The following ARHGAP28 variants were observed in gnomAD, a reference collection of about 807,000 sequenced individuals.
The protein encoded by ARHGAP28 is rho GTPase-activating protein 28.
Under a neutral mutation model 90.7 loss-of-function variants are expected in ARHGAP28, and 56 were observed. That is an observed-to-expected ratio of 0.62 (90% CI 0.50 to 0.77). The LOEUF is 0.77. Ranked by LOEUF, ARHGAP28 falls within the 30% of genes least tolerant of loss-of-function variation. The pLI is 0.00. For synonymous variants in ARHGAP28, 308 were observed against 323.3 expected (o/e 0.95, Z 0.51); for missense variants, 869 against 900.9 (o/e 0.96, Z 0.45).
intron 3 of ARHGAP28, among the ~76,000 whole-genome samples, chr18:6,848,934 T>C (rs904994343): frequency 2.6e-5 from 4 of 152,050 alleles, no homozygotes; most frequent in Non-Finnish European, 2.9e-5. Context: ...TTTCAAATCA[T>C]TGAAGGTCAT....
chr18:6,786,272 C>A (rs768174629), intron 1 of ARHGAP28, among the ~76,000 whole-genome samples: 17 of 151,846 alleles, frequency 1.1e-4, no homozygotes, highest in Non-Finnish European at 4.4e-5. Context: ...TTTATTTTTC[C>A]TTTTCTTTAG....
chr18:6,880,281 A>G (rs1295927719), intron 10 of ARHGAP28, among the ~76,000 whole-genome samples: 1 of 151,976 alleles, frequency 6.6e-6, no homozygotes, highest in African/African-American at 2.4e-5. Flanking sequence ...ATTCTTGAGA[A>G]TTTTCCCTCC....
chr18:6,742,762 T>G (rs113945223), intron 1 of ARHGAP28, among the ~76,000 whole-genome samples: 5 of 152,080 alleles, frequency 3.3e-5, no homozygotes, highest in Admixed American at 3.3e-4. Flanking sequence ...AAAGTCTCTA[T>G]AGAGACAGCA....
chr18:6,750,716 T>C (rs1285510246), intron 1 of ARHGAP28, among the ~76,000 whole-genome samples: 1 of 150,346 alleles, frequency 6.7e-6, no homozygotes, highest in African/African-American at 2.5e-5. Context: ...AAAGCCACAG[T>C]CCCATCGTGG....
At chr18:6,906,954 A>G (rs1438680573) in intron 16 of ARHGAP28, among the ~76,000 whole-genome samples, 1 of 152,222 alleles carries the variant, frequency 6.6e-6, no homozygotes, top group African/African-American at 2.4e-5. Context: ...AAACAATCCA[A>G]TTTGAAAGTG....
chr18:6,841,331 A>C (rs947900282), intron 3 of ARHGAP28, among the ~76,000 whole-genome samples: 2 of 150,200 alleles, frequency 1.3e-5, no homozygotes, highest in Admixed American at 6.7e-5. Flanking sequence ...TTAATTGAAT[A>C]ATTACCTAAG....
chr18:6,900,996 A>G (rs2057335437), intron 16 of ARHGAP28, among the ~76,000 whole-genome samples: 1 of 152,216 alleles, frequency 6.6e-6, no homozygotes, highest in African/African-American at 2.4e-5. Flanking sequence ...ACATTTGTCA[A>G]GTACTTAAAG....
At position 6,912,279 on chromosome 18, in the gene ARHGAP28, A is replaced by G; in HGVS notation, c.*125A>G. The G allele has an allele frequency of 2.0e-6, 1 of 503,150 alleles. No individual in the cohort carries two copies. The highest frequency in any genetic ancestry group is 2.0e-5 in the African/African-American group (1 of 51,132). 31.2% of individuals were successfully genotyped at this position (503,150 alleles called of 1,614,324 possible). On this transcript the variant is annotated 3_prime_UTR_variant, in exon 18 of 18. Coordinates refer to ENST00000383472, the MANE Select transcript of ARHGAP28 (RefSeq NM_001366230.1). ...AGCATTCTCAGTATTTCTGGCCCTC[A>G]GCAGTGGGCATTGTAAGCATGAACT...
chr18:6,823,254 GCTTT>G (rs1435839835), intron 1 of ARHGAP28, among the ~76,000 whole-genome samples: 1 of 151,806 alleles, frequency 6.6e-6, no homozygotes, highest in African/African-American at 2.4e-5. Context: ...TAGCCATTCT[GCTTT>G]CTGTCTATGA....
chr18:6,870,928 G>A (rs542423348), intron 7 of ARHGAP28, among the ~76,000 whole-genome samples, 196 bp downstream of exon 7: 7 of 152,100 alleles, frequency 4.6e-5, no homozygotes, highest in Non-Finnish European at 1.0e-4. Flanking sequence ...AGCCTCCCGA[G>A]TAGCTGGGAC....
intron 1 of ARHGAP28, among the ~76,000 whole-genome samples, chr18:6,756,092 A>G (rs1235244739): frequency 6.6e-6 from 1 of 152,220 alleles, no homozygotes; most frequent in African/African-American, 2.4e-5. Context: ...TTATTTAGCC[A>G]CAGTGGCTGT....
intron 1 of ARHGAP28, among the ~76,000 whole-genome samples, chr18:6,823,916 A>G (rs2056643068): frequency 6.6e-6 from 1 of 151,900 alleles, no homozygotes; most frequent in Non-Finnish European, 1.5e-5. Context: ...TCTATTTTTA[A>G]TTTTTTGAGG....
chr18:6,819,855 A>C (rs764698213), intron 1 of ARHGAP28, among the ~76,000 whole-genome samples: 3 of 152,104 alleles, frequency 2.0e-5, no homozygotes, highest in Non-Finnish European at 4.4e-5. Flanking sequence ...GTAAATTGCA[A>C]CCCAGCCCAG....
At chr18:6,863,628 C>G (rs2057014767) in intron 5 of ARHGAP28, among the ~76,000 whole-genome samples, 1 of 151,794 alleles carries the variant, frequency 6.6e-6, no homozygotes, top group East Asian at 1.9e-4. Context: ...ACTCTGGGTT[C>G]TTTTCTGTAC....
intron 5 of ARHGAP28, among the ~76,000 whole-genome samples, chr18:6,867,275 G>A (rs1384088139): frequency 2.0e-5 from 3 of 152,130 alleles, no homozygotes; most frequent in Non-Finnish European, 4.4e-5. Context: ...TCATGAAGCA[G>A]GTGTTCAGTT....
At chr18:6,754,358 TAGA>T (rs1284440318) in intron 1 of ARHGAP28, among the ~76,000 whole-genome samples, 2 of 152,184 alleles carry the variant, frequency 1.3e-5, no homozygotes, top group African/African-American at 4.8e-5. Context: ...TAAATCGTAC[TAGA>T]AGAAGGGAAT....
Position 6,859,897 on chromosome 18 carries a change from G to A in ARHGAP28, c.726G>A (p.Val242=). 1.2e-6 allele frequency: 2 copies of A among 1,613,760 alleles called. No individual in the cohort carries two copies. The highest frequency in any genetic ancestry group is 1.7e-6 in the Non-Finnish European group (2 of 1,179,678). The part of the protein sequence containing the change: ...GSFAVPRSDS[V]AILETIPVLP... ...TTGCGGTTCCCAGGAGTGACTCTGT[G>A]GTAAGTCATCCATGTCAGCACAGTT... The change falls in exon 5 of 18, where the codon GTG becomes GTA. Residue 242 remains valine (V), a splice_region_variant and synonymous_variant. Coordinates refer to ENST00000383472, the MANE Select transcript of ARHGAP28 (RefSeq NM_001366230.1).
chr18:6,887,262 CT>C, intron 12 of ARHGAP28, 23 bp downstream of exon 12: 1 of 1,608,554 alleles, frequency 6.2e-7, no homozygotes, highest in Non-Finnish European at 8.5e-7. Context: ...CACCTCACAG[CT>C]TGTCCTGGGG....
intron 1 of ARHGAP28, among the ~76,000 whole-genome samples, chr18:6,806,406 A>T (rs2056519420): frequency 6.6e-6 from 1 of 152,264 alleles, no homozygotes; most frequent in East Asian, 1.9e-4. Context: ...CAAGAAAAAG[A>T]TTAGTGAATT....
Sources: gnomAD v4.1 joint callset for allele counts (sites outside exome capture counted in the v4.1 genomes callset) on GRCh38, gnomAD v4.1.1 for gene constraint, MANE v1.5 for transcripts, NCBI Gene and HGNC (gene_info 2026-07-23, HGNC 2026-07-21) for gene names.